TRIQK: variants seen among roughly 807,000 people sequenced by gnomAD.
The protein encoded by TRIQK is triple QxxK/R motif-containing protein.
TRIQK carries 10 observed loss-of-function variants against 10.8 expected under a neutral mutation model. The ratio of observed to expected loss-of-function variants is 0.92; its 90% CI spans 0.57 to 1.57. The LOEUF (loss-of-function observed/expected upper bound fraction) is 1.57, where lower values mean the gene tolerates loss of function less well. TRIQK is among the 40% of genes most tolerant of loss of function. The pLI is 0.00. For missense variants in TRIQK, 107 were observed against 97.7 expected, an observed-to-expected ratio of 1.09 and a Z score of -0.40; for synonymous variants, 33 against 33.7, an observed-to-expected ratio of 0.98 and a Z score of 0.07.
intron 3 of TRIQK, among the ~76,000 whole-genome samples, chr8:92,893,295 G>T (rs1000831956): frequency 6.6e-6 from 1 of 151,982 alleles, no homozygotes; most frequent in Non-Finnish European, 1.5e-5. Flanking sequence ...TGGGCGTAGT[G>T]AAGAAACATT....
intron 2 of TRIQK, chr8:92,940,971 A>G (rs1301560408): frequency 6.6e-6 from 1 of 152,232 alleles, no homozygotes; most frequent in Non-Finnish European, 1.5e-5. Flanking sequence ...AATAACAAGA[A>G]GAACTTTAGA....
chr8:92,949,835 AAAGAAAGG>A (rs1563655534), intron 2 of TRIQK, among the ~76,000 whole-genome samples: 3 of 126,512 alleles, frequency 2.4e-5, no homozygotes, highest in East Asian at 2.6e-4. Context: ...AGAAAGAAAG[AAAGAAAGG>A]GAGAGAAAAG....
At chr8:92,985,124 A>AT (rs138114180) in intron 1 of TRIQK, among the ~76,000 whole-genome samples, 15,397 of 152,232 alleles carry the variant, frequency 0.1, 1,833 homozygotes, top group African/African-American at 0.28. Context: ...TCAAAGTCAA[A>AT]TGACACTGTG....
intron 2 of TRIQK, among the ~76,000 whole-genome samples, chr8:92,932,029 G>A (rs767168754): frequency 7.2e-5 from 11 of 152,112 alleles, no homozygotes; most frequent in Non-Finnish European, 1.6e-4. Context: ...ATCATCCTCT[G>A]GCACATGGCA....
At chr8:92,914,775 T>A (rs961131398) in intron 3 of TRIQK, among the ~76,000 whole-genome samples, 4 of 152,146 alleles carry the variant, frequency 2.6e-5, no homozygotes, top group African/African-American at 9.6e-5. Context: ...AGAATCCTTG[T>A]ATATTCTTAG....
At chr8:92,974,402 T>C (rs961008604) in intron 1 of TRIQK, 2 of 152,294 alleles carry the variant, frequency 1.3e-5, no homozygotes, top group Non-Finnish European at 2.9e-5. Context: ...TCTTTTTCAA[T>C]GAGCTCATCT....
At chr8:92,997,970 T>C (rs1159181154) in intron 1 of TRIQK, among the ~76,000 whole-genome samples, 1 of 152,034 alleles carries the variant, frequency 6.6e-6, no homozygotes, top group Admixed American at 6.6e-5. Flanking sequence ...GTTATGGTAC[T>C]CATTAAACTA....
At chr8:92,964,025 A>G (rs1812598697) in intron 1 of TRIQK, among the ~76,000 whole-genome samples, 1 of 152,198 alleles carries the variant, frequency 6.6e-6, no homozygotes, top group Admixed American at 6.5e-5. Flanking sequence ...CATAGATTAC[A>G]TGGTTTTGTA....
chr8:92,976,304 A>G (rs1342944415), intron 1 of TRIQK, among the ~76,000 whole-genome samples: 2 of 151,914 alleles, frequency 1.3e-5, no homozygotes, highest in Non-Finnish European at 2.9e-5. Context: ...AAGTTTTATC[A>G]GTTTTCATGT....
At chr8:92,991,760 G>A (rs1441104824) in intron 1 of TRIQK, among the ~76,000 whole-genome samples, 4 of 152,112 alleles carry the variant, frequency 2.6e-5, no homozygotes, top group Admixed American at 1.3e-4. Flanking sequence ...AAATCCCATC[G>A]TCTCAGCCCA....
intron 1 of TRIQK, among the ~76,000 whole-genome samples, chr8:92,995,715 T>C (rs886517764): frequency 4.6e-5 from 7 of 152,068 alleles, no homozygotes; most frequent in Non-Finnish European, 1.0e-4. Flanking sequence ...TATGTTATAA[T>C]TGACTCTACT....
intron 2 of TRIQK, among the ~76,000 whole-genome samples, chr8:92,950,384 A>C (rs1000214688): frequency 1.3e-5 from 2 of 152,166 alleles, no homozygotes; most frequent in African/African-American, 4.8e-5. Flanking sequence ...TACATACAAA[A>C]GGCTTACACA....
At chr8:92,938,342 C>G (rs1811098953) in intron 2 of TRIQK, among the ~76,000 whole-genome samples, 1 of 151,934 alleles carries the variant, frequency 6.6e-6, no homozygotes, top group Non-Finnish European at 1.5e-5. Context: ...TTATTACAAT[C>G]AAATTAACTA....
At chr8:93,005,386 T>C (rs1476871192) in intron 1 of TRIQK, among the ~76,000 whole-genome samples, 1 of 152,134 alleles carries the variant, frequency 6.6e-6, no homozygotes, top group Non-Finnish European at 1.5e-5. Context: ...ACCCCCATGA[T>C]CTAATCACCT....
chr8:92,951,331 A>G (rs1049560461), intron 2 of TRIQK, among the ~76,000 whole-genome samples: 1 of 152,076 alleles, frequency 6.6e-6, no homozygotes, highest in Non-Finnish European at 1.5e-5. Context: ...GTAAAAAGTT[A>G]AACAGACTGA....
At chr8:92,948,715 T>C (rs762928060) in intron 2 of TRIQK, among the ~76,000 whole-genome samples, 11 of 152,236 alleles carry the variant, frequency 7.2e-5, no homozygotes, top group Non-Finnish European at 1.6e-4. Context: ...TAGTATATAC[T>C]CAATAGACAT....
intron 1 of TRIQK, among the ~76,000 whole-genome samples, chr8:92,956,720 T>C (rs1170591265): frequency 6.6e-6 from 1 of 151,802 alleles, no homozygotes; most frequent in Non-Finnish European, 1.5e-5. Context: ...ATATTAATAC[T>C]TCATAGAAAA....
At chr8:93,000,920 T>C (rs539978575) in intron 1 of TRIQK, among the ~76,000 whole-genome samples, 10 of 140,704 alleles carry the variant, frequency 7.1e-5, no homozygotes, top group Admixed American at 2.1e-4. Context: ...ACAAAAGAGC[T>C]ACAAAACAAT....
intron 1 of TRIQK, among the ~76,000 whole-genome samples, chr8:93,006,156 C>T (rs1005256427): frequency 1.3e-5 from 2 of 152,110 alleles, no homozygotes; most frequent in African/African-American, 4.8e-5. Context: ...CGAGGACCAC[C>T]TGTGGGGAGG....
Sources: gnomAD v4.1 joint callset for allele counts (sites outside exome capture counted in the v4.1 genomes callset) on GRCh38, gnomAD v4.1.1 for gene constraint, MANE v1.5 for transcripts, NCBI Gene and HGNC (gene_info 2026-07-23, HGNC 2026-07-21) for gene names.